MAST2: variants seen among roughly 807,000 people sequenced by gnomAD.
MAST2 encodes microtubule associated serine/threonine kinase 2.
A neutral mutation model predicts 147.4 loss-of-function variants in MAST2; 70 were observed. The observed-to-expected ratio is 0.47, with a 90% CI of 0.39 to 0.58. The LOEUF (loss-of-function observed/expected upper bound fraction) is 0.58, where lower values mean the gene tolerates loss of function less well. Among genes scored for constraint, MAST2 ranks in the 20% least tolerant of loss-of-function variants. MAST2 has a pLI of 0.00. For missense variants in MAST2, 2,080 were observed against 2,302.3 expected, an observed-to-expected ratio of 0.90 and a Z score of 1.98; for synonymous variants, 869 against 896.8, an observed-to-expected ratio of 0.97 and a Z score of 0.55.
intron 3 of MAST2, among the ~76,000 whole-genome samples, chr1:45,850,703 A>G (rs1413118256): frequency 1.3e-5 from 2 of 152,164 alleles, no homozygotes; most frequent in Non-Finnish European, 2.9e-5. Context: ...TATTTATTGA[A>G]TAGAGTCCTC....
chr1:45,871,040 T>G (rs1646368536), intron 3 of MAST2, among the ~76,000 whole-genome samples: 1 of 151,738 alleles, frequency 6.6e-6, no homozygotes, highest in Admixed American at 6.6e-5. Flanking sequence ...CAGTTTGCTT[T>G]TGGTATATCT....
chr1:45,912,021 A>C (rs941631249), intron 4 of MAST2, among the ~76,000 whole-genome samples: 1 of 152,030 alleles, frequency 6.6e-6, no homozygotes, highest in African/African-American at 2.4e-5. Flanking sequence ...GCTTTTGGCA[A>C]CTGACCCTGA....
At chr1:45,856,104 G>A (rs1481303623) in intron 3 of MAST2, among the ~76,000 whole-genome samples, 1 of 152,166 alleles carries the variant, frequency 6.6e-6, no homozygotes, top group Non-Finnish European at 1.5e-5. Flanking sequence ...CCTCCCTTGA[G>A]TGTGAGCTTC....
intron 4 of MAST2, among the ~76,000 whole-genome samples, chr1:45,957,621 C>G (rs1297812842): frequency 6.6e-6 from 1 of 152,028 alleles, no homozygotes. Context: ...GCCAACATGC[C>G]CAGCTATTTT....
At chr1:46,028,154 C>T (rs1646495636) in intron 17 of MAST2, among the ~76,000 whole-genome samples, 3 of 152,224 alleles carry the variant, frequency 2.0e-5, no homozygotes, top group Non-Finnish European at 4.4e-5. Flanking sequence ...ATAGGTAGCA[C>T]ATTTGGAAAA....
At chr1:45,905,796 C>G (rs906578772) in intron 4 of MAST2, among the ~76,000 whole-genome samples, 2 of 151,266 alleles carry the variant, frequency 1.3e-5, no homozygotes, top group Admixed American at 6.6e-5. Context: ...AAATGCCAAA[C>G]TTAGATTTAG....
intron 4 of MAST2, among the ~76,000 whole-genome samples, chr1:45,933,905 G>GT (rs11423169): frequency 0.45 from 66,154 of 147,164 alleles, 14,813 homozygotes; most frequent in East Asian, 0.65. Context: ...AAAATTTTAA[G>GT]TTTTTTTTTT....
chr1:45,826,026 C>T (rs1644780823), intron 2 of MAST2, among the ~76,000 whole-genome samples: 1 of 152,070 alleles, frequency 6.6e-6, no homozygotes, highest in Admixed American at 6.5e-5. Context: ...GAGTGAGCAT[C>T]ATTACACTCC....
At chr1:45,852,060 T>C (rs888969340) in intron 3 of MAST2, among the ~76,000 whole-genome samples, 2 of 152,172 alleles carry the variant, frequency 1.3e-5, no homozygotes, top group African/African-American at 4.8e-5. Flanking sequence ...AATAGTGTCA[T>C]CTTATATAGC....
At chr1:46,015,151 G>C (rs1341258806) in intron 10 of MAST2, among the ~76,000 whole-genome samples, 1 of 151,290 alleles carries the variant, frequency 6.6e-6, no homozygotes, top group Non-Finnish European at 1.5e-5. Flanking sequence ...CAACATACCA[G>C]AATCTCTGGG....
At chr1:45,820,893 C>CTTTTTTTTTTTTTTTT (rs769508054) in intron 1 of MAST2, among the ~76,000 whole-genome samples, 9 of 43,080 alleles carry the variant, frequency 2.1e-4, no homozygotes, top group Non-Finnish European at 2.9e-4. Flanking sequence ...CTTTCTTTCT[C>CTTTTTTTTTTTTTTTT]TTTTTTTTTT....
At chr1:45,962,525 T>C (rs549231756) in intron 5 of MAST2, among the ~76,000 whole-genome samples, 1 of 152,382 alleles carries the variant, frequency 6.6e-6, no homozygotes, top group Admixed American at 6.5e-5. Flanking sequence ...TGGCCAGTGA[T>C]GATGAGCATT....
chr1:45,834,859 C>T (rs1297239765), intron 3 of MAST2, among the ~76,000 whole-genome samples: 1 of 151,968 alleles, frequency 6.6e-6, no homozygotes, highest in African/African-American at 2.4e-5. Flanking sequence ...ATCCACTTGG[C>T]TGTATCACCA....
intron 10 of MAST2, among the ~76,000 whole-genome samples, chr1:46,014,963 A>G (rs1297012927): frequency 2.0e-5 from 3 of 151,930 alleles, no homozygotes; most frequent in Non-Finnish European, 4.4e-5. Flanking sequence ...AACAGAAATT[A>G]TAACAAACTG....
chr1:45,871,080 TA>T (rs5773896), intron 3 of MAST2, among the ~76,000 whole-genome samples: 107,099 of 139,394 alleles, frequency 0.77, 41,192 homozygotes, highest in East Asian at 0.93. Flanking sequence ...AGGTTTTCTT[TA>T]AAAAAAAAAA....
In MAST2 at chr1:46,034,122, C is replaced by T. The variant is rs889693636; in HGVS notation, c.3724C>T (p.Leu1242Phe). The T allele has an allele frequency of 8.7e-6, 14 of 1,614,018 alleles. No homozygotes were observed. The highest frequency in any genetic ancestry group is 3.3e-5 in the Admixed American group (2 of 59,992). Residue 1242 changes from leucine (L) to phenylalanine (F), a missense_variant, in exon 28 of 29, where the codon CTC becomes TTC. Leu to Phe is a conservative substitution (Grantham distance 22). This residue lies in a region of MAST2 where 1,278 missense variants were observed against 1,304.2 expected (regional missense o/e 0.98). Transcript: ENST00000361297. ...CAAGATCACCAAGCAAGCATCCCTGCTCCACACCAGCCGCAGCCTTTCTTC... is the reference window on the plus strand; with the variant it reads ...CAAGATCACCAAGCAAGCATCCCTGTTCCACACCAGCCGCAGCCTTTCTTC... ...FRKITKQASL[L>F]HTSRSLSSLN...
chr1:45,896,094 G>T (rs1023237678), intron 4 of MAST2, among the ~76,000 whole-genome samples: 7 of 149,144 alleles, frequency 4.7e-5, no homozygotes, highest in African/African-American at 1.7e-4. Flanking sequence ...AGGTTGGAGT[G>T]CAGTGGCACT....
Position 45,997,800 on chromosome 1 carries a change from G to T in MAST2, c.668+1G>T. ...ACTTTTCTTTTGTTCCTGCCCGTAG[G>T]TAAGTTGATAGGAAACCTCCTCTGG... On this transcript the variant is annotated splice_donor_variant, in intron 6 of 28. Transcript: ENST00000361297. LOFTEE classifies it high-confidence loss of function. The T allele has an allele frequency of 1.2e-6, 2 of 1,613,922 alleles. No homozygotes were observed. Among genetic ancestry groups the T allele is most frequent in the Non-Finnish European group, 1.7e-6 (2 of 1,179,860 alleles).
At position 45,857,862 on chromosome 1, in the gene MAST2, T is replaced by G. The variant is rs536381734; in HGVS notation, c.469-24502T>G. Among the ~76,000 whole-genome samples, 481 of 148,158 alleles carry G rather than the reference T, an allele frequency of 3.2e-3. 5 individuals carry two copies. The highest frequency in any genetic ancestry group is 0.032 in the East Asian group (161 of 5,040). ...GAGAACATGCGGTGTTTTTTTTTTT[T>G]TTTTTTTTTTTGTCCTTGCGATAGT... On this transcript the variant is annotated intron_variant, in intron 3 of 28. Transcript: ENST00000361297.
Sources: gnomAD v4.1 joint callset for allele counts (sites outside exome capture counted in the v4.1 genomes callset) on GRCh38, gnomAD v4.1.1 for gene constraint, gnomAD v4.1.1 regional missense constraint, MANE v1.5 for transcripts, NCBI Gene and HGNC (gene_info 2026-07-23, HGNC 2026-07-21) for gene names.